PLCE1: variants seen among roughly 807,000 people sequenced by gnomAD.
PLCE1 encodes 1-phosphatidylinositol 4,5-bisphosphate phosphodiesterase epsilon-1.
A neutral mutation model predicts 242.8 loss-of-function variants in PLCE1; 119 were observed. That is an observed-to-expected ratio of 0.49 (90% CI 0.42 to 0.57). The LOEUF is 0.57. PLCE1 is among the 20% of genes least tolerant of loss of function. The pLI, the probability that PLCE1 is intolerant of heterozygous loss-of-function variation, is 0.00. For missense variants in PLCE1, 2,441 were observed against 2,788.8 expected (o/e 0.88, Z 2.81); for synonymous variants, 945 against 1,017.4 (o/e 0.93, Z 1.35).
chr10:94,297,186 G>A (rs1484196800), intron 23 of PLCE1, among the ~76,000 whole-genome samples: 2 of 152,076 alleles, frequency 1.3e-5, no homozygotes, highest in Admixed American at 6.6e-5. Context: ...GATTTCAAGT[G>A]AGAAACGTGT....
chr10:94,258,915 T>A lies in PLCE1; in HGVS notation c.3670T>A (p.Ser1224Thr). The A allele has an allele frequency of 6.2e-7, 1 of 1,614,124 alleles. No individual in the cohort carries two copies. Among genetic ancestry groups the A allele is most frequent in the Non-Finnish European group, 8.5e-7 (1 of 1,179,976 alleles). The stretch of plus-strand genomic sequence containing the variant: ...TGTTGAATTTGTTGAGCTGTTCAAA[T>A]CATTCAGGTACAGTCTTATGTTTCC... Reference protein sequence around the residue: ...SFVEFVELFKSFSVRSRKDLK... With the variant: ...SFVEFVELFKTFSVRSRKDLK... The change falls in exon 12 of 33, where the codon TCA becomes ACA. Residue 1224 changes from serine to threonine, a missense_variant. By Grantham distance (58) the Ser-to-Thr change is moderately conservative. Around this residue, in one of 5 missense-constraint regions of PLCE1, gnomAD observed 1,004 missense variants for 1,322.7 expected, o/e 0.76. Coordinates refer to ENST00000371380, the MANE Select transcript of PLCE1 (RefSeq NM_016341.4).
chr10:94,287,411 C>A (rs922142572), intron 22 of PLCE1: 4 of 148,790 alleles, frequency 2.7e-5, no homozygotes. Flanking sequence ...GCTACATTAT[C>A]AATTTCAGTG....
chr10:94,129,164 A>G (rs563397748), intron 2 of PLCE1, among the ~76,000 whole-genome samples: 2 of 152,334 alleles, frequency 1.3e-5, no homozygotes, highest in South Asian at 4.1e-4. Context: ...AGATGGAACA[A>G]TGAGATGACA....
intron 31 of PLCE1, 59 bp downstream of exon 31, chr10:94,324,626 G>A: frequency 7.5e-7 from 1 of 1,339,210 alleles, no homozygotes; most frequent in Non-Finnish European, 1.1e-6. Context: ...TAATTACACT[G>A]TAGCCAGATC....
chr10:94,053,444 C>T (rs897855876), intron 2 of PLCE1, among the ~76,000 whole-genome samples: 1 of 152,224 alleles, frequency 6.6e-6, no homozygotes, highest in African/African-American at 2.4e-5. Context: ...TTGCCACAGT[C>T]TTTATTTGTT....
intron 4 of PLCE1, among the ~76,000 whole-genome samples, chr10:94,201,211 T>C (rs2048975686): frequency 6.6e-6 from 1 of 152,228 alleles, no homozygotes. Flanking sequence ...GCTATTTTTC[T>C]ATAAATCTAA....
At position 94,254,924 on chromosome 10, in the gene PLCE1, C is replaced by T. The variant is rs564560108; in HGVS notation, c.3429C>T (p.Pro1143=). Residue 1143 remains proline, a synonymous_variant, in exon 11 of 33, where the codon CCC becomes CCT. Coordinates refer to ENST00000371380, the MANE Select transcript of PLCE1 (RefSeq NM_016341.4). ...ATGCCATCGCTAACCCTCCAAACCC[C>T]CTCCCTTCCAGAAGAGCCCACTCTT... ...EVNAIANPPN[P]LPSRRAHSLT... is the part of the protein sequence containing the mutation. The T allele has an allele frequency of 1.4e-5, 23 of 1,614,104 alleles. No homozygotes were observed. The African/African-American group carries it at 1.6e-4, about 11-fold the overall frequency.
At chr10:94,311,363 A>G (rs578121301) in intron 27 of PLCE1, among the ~76,000 whole-genome samples, 3 of 152,308 alleles carry the variant, frequency 2.0e-5, no homozygotes, top group South Asian at 2.1e-4. Flanking sequence ...CATTAGCAAC[A>G]AAGGACACTC....
intron 27 of PLCE1, 71 bp from the exon 28 acceptor site, chr10:94,313,183 C>G: frequency 6.4e-7 from 1 of 1,572,352 alleles, no homozygotes; most frequent in Non-Finnish European, 8.7e-7. Flanking sequence ...AGTACTAGCA[C>G]CTCTGTATCA....
At chr10:94,008,641 T>G (rs751096461) in intron 1 of PLCE1, among the ~76,000 whole-genome samples, 48 of 152,300 alleles carry the variant, frequency 3.2e-4, no homozygotes, top group Non-Finnish European at 5.9e-4. Flanking sequence ...CATTCCACTA[T>G]TGATAGAATA....
At chr10:94,043,739 G>C (rs2061820552) in intron 2 of PLCE1, among the ~76,000 whole-genome samples, 1 of 152,208 alleles carries the variant, frequency 6.6e-6, no homozygotes, top group African/African-American at 2.4e-5. Context: ...AATGGCTTCA[G>C]ACCCTGGTTG....
At chr10:94,235,062 T>TCACACACACACACACACACACACACA (rs3222767) in intron 6 of PLCE1, among the ~76,000 whole-genome samples, 1 of 135,438 alleles carries the variant, frequency 7.4e-6, no homozygotes, top group African/African-American at 2.9e-5. Flanking sequence ...TACTGACCTT[T>TCACACACACACACACACACACACACA]CACACACACA....
At chr10:94,305,803 T>G (rs779162059) in intron 25 of PLCE1, among the ~76,000 whole-genome samples, 3 of 152,212 alleles carry the variant, frequency 2.0e-5, no homozygotes, top group Non-Finnish European at 4.4e-5. Context: ...GTAACAAATT[T>G]ATGATTATAT....
At chr10:94,254,120 C>A in intron 9 of PLCE1, 70 bp from the exon 10 acceptor site, 1 of 1,133,204 alleles carries the variant, frequency 8.8e-7, no homozygotes, top group Non-Finnish European at 1.4e-6. Context: ...AAAATAGAGA[C>A]CTACCTGAAC....
intron 4 of PLCE1, among the ~76,000 whole-genome samples, chr10:94,185,911 G>A (rs1413506868): frequency 1.3e-5 from 2 of 152,214 alleles, no homozygotes; most frequent in African/African-American, 4.8e-5. Flanking sequence ...TTCACCAAAT[G>A]TAAGAATCCC....
At chr10:94,025,755 T>C (rs1564631194) in intron 1 of PLCE1, among the ~76,000 whole-genome samples, 1 of 152,176 alleles carries the variant, frequency 6.6e-6, no homozygotes, top group African/African-American at 2.4e-5. Flanking sequence ...TTTGAAAGAA[T>C]ATGAGATGAG....
At position 94,270,547 on chromosome 10, in the gene PLCE1, C is replaced by T. The variant is rs121912605; in HGVS notation, c.4451C>T (p.Ser1484Leu). 2.5e-6 allele frequency: 4 copies of T among 1,613,924 alleles called. No homozygotes were observed. The highest frequency in any genetic ancestry group is 8.5e-7 in the Non-Finnish European group (1 of 1,179,842). The change falls in exon 18 of 33, where the codon TCG becomes TTG. Residue 1484 changes from serine (S) to leucine (L), a missense_variant. By Grantham distance (145) the Ser-to-Leu change is moderately radical. This residue lies in a region of PLCE1 where 1,004 missense variants were observed against 1,322.7 expected (regional missense o/e 0.76). Transcript: ENST00000371380. ...FINSDLPIII[S>L]IENHCSLPQQ... ...AACTCTGACCTGCCAATCATCATATCGATTGAGAACCACTGTTCATTGCCT... is the reference window on the plus strand; with the variant it reads ...AACTCTGACCTGCCAATCATCATATTGATTGAGAACCACTGTTCATTGCCT...
chr10:94,200,103 A>T (rs1345917168), intron 4 of PLCE1, among the ~76,000 whole-genome samples: 5 of 152,250 alleles, frequency 3.3e-5, no homozygotes, highest in African/African-American at 1.2e-4. Context: ...ATATCTATAG[A>T]TACACATATA....
chr10:94,305,146 T>G (rs528379337), intron 25 of PLCE1, among the ~76,000 whole-genome samples: 1 of 152,262 alleles, frequency 6.6e-6, no homozygotes, highest in East Asian at 1.9e-4. Context: ...AAAACAGACC[T>G]GGCCAGGTGC....
Sources: gnomAD v4.1 joint callset for allele counts (sites outside exome capture counted in the v4.1 genomes callset) on GRCh38, gnomAD v4.1.1 for gene constraint, gnomAD v4.1.1 regional missense constraint, MANE v1.5 for transcripts, NCBI Gene and HGNC (gene_info 2026-07-23, HGNC 2026-07-21) for gene names.